ZNF138: variants seen among roughly 807,000 people sequenced by gnomAD.
The protein encoded by ZNF138 is zinc finger protein 138 (clone pHZ-32).
ZNF138 carries 33 observed loss-of-function variants against 33.0 expected under a neutral mutation model. That is an observed-to-expected ratio of 1.00 (90% CI 0.76 to 1.34). ZNF138 has a LOEUF of 1.34. Among genes scored for constraint, ZNF138 ranks in the 40% most tolerant of loss-of-function variants. ZNF138 has a pLI of 0.00. For missense variants in ZNF138, 360 were observed against 370.8 expected, an observed-to-expected ratio of 0.97 and a Z score of 0.24; for synonymous variants, 139 against 120.4, an observed-to-expected ratio of 1.15 and a Z score of -1.01.
chr7:64,836,853 C>T (rs1443804292), downstream of ZNF138: 8 of 35,594 alleles, frequency 2.2e-4, no homozygotes, highest in African/African-American at 4.7e-4. Context: ...GGCATGCTGC[C>T]ATGGCTAGTA....
rs560151486 is a variant in ZNF138 at position 64,825,457 on chromosome 7, C to A, written c.209-5994C>A. Among the ~76,000 whole-genome samples, 4 of 151,712 alleles carry A rather than the reference C, an allele frequency of 2.6e-5. No homozygotes were observed. In the South Asian group the frequency reaches 8.3e-4, roughly 31 times the overall value. On this transcript the variant is annotated intron_variant, in intron 3 of 3. Transcript: ENST00000307355. ...AAGTGCTGGGATTACAGGCCTGAGC[C>A]ACCGCACCCGGGATTGTATGCTTTT...
downstream of ZNF138, among the ~76,000 whole-genome samples, chr7:64,834,333 G>A (rs556207069): frequency 2.6e-5 from 4 of 152,270 alleles, no homozygotes; most frequent in South Asian, 8.3e-4. Context: ...GTAAGTATCA[G>A]AGAATTCACA....
Position 64,831,691 on chromosome 7 carries a change from A to C in ZNF138, c.449A>C (p.Lys150Thr), listed in dbSNP as rs112723600. Residue 150 changes from lysine (K) to threonine (T), a missense_variant, in exon 4 of 4, where the codon AAA becomes ACA. Physicochemically the swap from Lys to Thr is moderately conservative, Grantham distance 78. Transcript: ENST00000307355. ...AATAAATATGTAAAAGTCATGCATA[A>C]ATTTTCAAATTCAAATAGACACAAG... The part of the protein sequence containing the change: ...QCNKYVKVMH[K>T]FSNSNRHKIR... 2.5e-6 allele frequency: 4 copies of C among 1,607,498 alleles called. No individual in the cohort carries two copies. The African/African-American group carries it at 4.0e-5, about 16-fold the overall frequency.
chr7:64,802,366 C>G (rs1350226172), intron 1 of ZNF138, among the ~76,000 whole-genome samples: 3 of 152,084 alleles, frequency 2.0e-5, no homozygotes, highest in African/African-American at 7.2e-5. Context: ...AGGTGCCTGG[C>G]TCTTAGTTGA....
the ZNF138 span, among the ~76,000 whole-genome samples, chr7:64,846,094 G>A: frequency 6.6e-6 from 1 of 152,110 alleles, no homozygotes; most frequent in African/African-American, 2.4e-5. Flanking sequence ...GTATTTCTGG[G>A]TTCTCCATGC....
At chr7:64,815,829 C>G (rs1243814565) in intron 3 of ZNF138, among the ~76,000 whole-genome samples, 176 bp downstream of exon 3, 1 of 151,930 alleles carries the variant, frequency 6.6e-6, no homozygotes, top group Non-Finnish European at 1.5e-5. Flanking sequence ...TTTAAATTCT[C>G]TAAGAATTCT....
At chr7:64,831,191 C>A in intron 3 of ZNF138, 1 of 1,381,662 alleles carries the variant, frequency 7.2e-7, no homozygotes, top group Non-Finnish European at 9.8e-7. Context: ...GTAAATGTAA[C>A]AGACTTTTCT....
the ZNF138 span, among the ~76,000 whole-genome samples, chr7:64,849,554 G>A: frequency 6.6e-6 from 1 of 152,092 alleles, no homozygotes; most frequent in African/African-American, 2.4e-5. Context: ...AGGGAGGGAA[G>A]ATCATGTGGG....
intron 3 of ZNF138, among the ~76,000 whole-genome samples, chr7:64,821,870 G>A (rs1373474909): frequency 6.9e-6 from 1 of 144,108 alleles, no homozygotes; most frequent in African/African-American, 2.6e-5. Flanking sequence ...AGTTGTTTAT[G>A]TATTCTGAAT....
intron 3 of ZNF138, among the ~76,000 whole-genome samples, chr7:64,821,429 A>G (rs1789138466): frequency 6.6e-6 from 1 of 151,446 alleles, no homozygotes; most frequent in Non-Finnish European, 1.5e-5. Context: ...GCATTTCTCT[A>G]CAAATATTAA....
intron 3 of ZNF138, among the ~76,000 whole-genome samples, chr7:64,823,573 G>A (rs771847012): frequency 3.3e-5 from 5 of 152,158 alleles, no homozygotes; most frequent in Non-Finnish European, 7.3e-5. Context: ...TGGCTTCAAT[G>A]ATCCTCCCAC....
Position 64,814,900 on chromosome 7 carries a change from T to G in ZNF138, c.4-18T>G. 6.2e-7 allele frequency: 1 copy of G among 1,610,728 alleles called. No individual in the cohort carries two copies. Among genetic ancestry groups the G allele is most frequent in the Non-Finnish European group, 8.5e-7 (1 of 1,177,634 alleles). ...CTTGGTTAATGTGTGTGTGTGTTTG[T>G]GTGTGCGTGTTTTTCAGGGACCACT... is the stretch of plus-strand genomic sequence containing the variant. On this transcript the variant is annotated intron_variant, in intron 1 of 3. Transcript: ENST00000307355.
At chr7:64,845,612 G>A in the ZNF138 span, among the ~76,000 whole-genome samples, 7 of 152,114 alleles carry the variant, frequency 4.6e-5, 1 homozygote, top group South Asian at 1.2e-3. Flanking sequence ...TTTGATTATG[G>A]CAATTCTTGT....
the ZNF138 span, among the ~76,000 whole-genome samples, chr7:64,851,244 T>G: frequency 1.3e-5 from 2 of 152,212 alleles, no homozygotes; most frequent in East Asian, 3.8e-4. Flanking sequence ...CCTCTCTGTT[T>G]CCTTCCCACC....
intron 1 of ZNF138, among the ~76,000 whole-genome samples, chr7:64,800,338 A>T (rs908526118): frequency 6.6e-6 from 1 of 152,168 alleles, no homozygotes; most frequent in Non-Finnish European, 1.5e-5. Context: ...GTCTTGGATA[A>T]CTTGTTATTT....
the ZNF138 span, among the ~76,000 whole-genome samples, chr7:64,848,400 G>A: frequency 2.3e-3 from 349 of 151,718 alleles, 2 homozygotes; most frequent in African/African-American, 8.1e-3. Context: ...CCTTGTCTTC[G>A]AGCTCTGAAC....
chr7:64,825,073 C>T (rs1015325327), intron 3 of ZNF138, among the ~76,000 whole-genome samples: 5 of 149,154 alleles, frequency 3.4e-5, no homozygotes, highest in African/African-American at 1.2e-4. Context: ...TGGTTTCAGC[C>T]TCCCAAAGTG....
At chr7:64,814,418 T>C (rs1788443824) in intron 1 of ZNF138, among the ~76,000 whole-genome samples, 2 of 152,230 alleles carry the variant, frequency 1.3e-5, no homozygotes, top group African/African-American at 4.8e-5. Context: ...CTGTGGATCT[T>C]ATGCCACTTT....
chr7:64,824,023 C>T (rs1014182137), intron 3 of ZNF138, among the ~76,000 whole-genome samples: 2 of 152,144 alleles, frequency 1.3e-5, no homozygotes, highest in African/African-American at 4.8e-5. Context: ...TCTGTATTCT[C>T]TTGCTTTTGA....
Sources: allele counts gnomAD v4.1 joint callset (sites outside exome capture counted in the v4.1 genomes callset), GRCh38; gene constraint gnomAD v4.1.1; transcripts MANE v1.5; gene names NCBI Gene and HGNC (gene_info 2026-07-23, HGNC 2026-07-21).